CNDP1: variants seen among roughly 807,000 people sequenced by gnomAD.
CNDP1 encodes the protein carnosine dipeptidase 1.
A neutral mutation model predicts 58.1 loss-of-function variants in CNDP1; 44 were observed. The ratio of observed to expected loss-of-function variants is 0.76; its 90% CI spans 0.60 to 0.97. The LOEUF (loss-of-function observed/expected upper bound fraction) is 0.97. CNDP1 is among the 50% of genes least tolerant of loss of function. CNDP1 has a pLI of 0.00. For synonymous variants in CNDP1, 254 were observed against 252.6 expected (o/e 1.01, Z -0.05); for missense variants, 616 against 655.1 (o/e 0.94, Z 0.65).
Position 74,559,576 on chromosome 18 carries a change from A to AC in CNDP1, c.303+110dup, listed in dbSNP as rs1263797941. The AC allele has an allele frequency of 9.8e-6, 9 of 921,650 alleles. No individual in the cohort carries two copies. In the East Asian group the frequency reaches 1.9e-4, roughly 20 times the overall value. The allele number at this position is 921,650 out of a possible 1,614,324, so 57.1% of individuals were successfully genotyped here. A position where few individuals can be genotyped will look rare whatever the true frequency, so the allele number is the denominator to read the frequency against. On this transcript the variant is annotated intron_variant, in intron 3 of 11. Transcript: ENST00000358821. ...AGGCTCACCCTGATCCTCAACCACA[A>AC]CCCCCCATAACCCCAATTCCCAATG...
intron 10 of CNDP1, among the ~76,000 whole-genome samples, chr18:74,581,226 G>C (rs1477634611): frequency 8.7e-6 from 1 of 115,576 alleles, no homozygotes; most frequent in Non-Finnish European, 2.0e-5. Context: ...TCCTGTGTGT[G>C]TGTGTGTGTG....
At chr18:74,542,778 C>T (rs910949611) in intron 1 of CNDP1, among the ~76,000 whole-genome samples, 2 of 152,218 alleles carry the variant, frequency 1.3e-5, no homozygotes. Flanking sequence ...AAGTGGGCCT[C>T]CTACCTTGGC....
intron 11 of CNDP1, chr18:74,583,932 G>A (rs948056680): frequency 2.1e-5 from 11 of 530,126 alleles, no homozygotes; most frequent in Middle Eastern, 5.0e-4. Flanking sequence ...CTTCCTGGCC[G>A]TCCCTGCGAT....
intron 5 of CNDP1, among the ~76,000 whole-genome samples, chr18:74,565,176 A>G (rs1981296637): frequency 6.6e-6 from 1 of 152,216 alleles, no homozygotes; most frequent in Admixed American, 6.5e-5. Context: ...ACCTGCCTCC[A>G]TGATTCAATT....
At chr18:74,561,414 CA>C (rs11447097) in intron 4 of CNDP1, 15,164 of 130,320 alleles carry the variant, frequency 0.12, 1,712 homozygotes, top group African/African-American at 0.31. Context: ...GAGACTTCAT[CA>C]AAAAAAAAAA....
At position 74,535,150 on chromosome 18, in the gene CNDP1, C is replaced by T. The variant is rs142524211; in HGVS notation, c.24+459C>T. Among the ~76,000 whole-genome samples the T allele has an allele frequency of 1.8e-3, 274 of 152,224 alleles. 1 individual carries two copies. The highest frequency in any genetic ancestry group is 5.9e-3 in the African/African-American group (244 of 41,522). ...CTAAATCACCCCAGGCCTTTCTCGG[C>T]GAGGTTTCCATGGTTCAGGTGCAAA... On this transcript the variant is annotated intron_variant, in intron 1 of 11. Transcript: ENST00000358821.
chr18:74,580,457 A>G (rs1001496975), intron 10 of CNDP1, among the ~76,000 whole-genome samples, 186 bp downstream of exon 10: 1 of 152,216 alleles, frequency 6.6e-6, no homozygotes, highest in Non-Finnish European at 1.5e-5. Flanking sequence ...TCATCCTCCC[A>G]ATGGCCTTCC....
intron 7 of CNDP1, among the ~76,000 whole-genome samples, chr18:74,573,306 C>A (rs558469638): frequency 1.3e-5 from 2 of 152,090 alleles, no homozygotes; most frequent in South Asian, 2.1e-4. Flanking sequence ...ATCCATTCAT[C>A]CATCTATTAT....
chr18:74,583,571 A>G lies in CNDP1; in HGVS notation c.1320A>G (p.Thr440=), dbSNP rs778792969. 2 of 1,614,172 alleles carry G rather than the reference A, an allele frequency of 1.2e-6. No homozygotes were observed. Among genetic ancestry groups the G allele is most frequent in the Admixed American group, 3.3e-5 (2 of 60,030 alleles). The change falls in exon 11 of 12, where the codon ACA becomes ACG. Residue 440 remains threonine (T), a synonymous_variant. Coordinates refer to ENST00000358821, the MANE Select transcript of CNDP1 (RefSeq NM_032649.6). ...CTTTTCCTGTCTCAGTGTTTGGAACAGAACCAGATATGATCCGGGATGGAT... is the reference window on the plus strand; with the variant it reads ...CTTTTCCTGTCTCAGTGTTTGGAACGGAACCAGATATGATCCGGGATGGAT... ...AKRAIRTVFG[T]EPDMIRDGST... is the part of the protein sequence containing the mutation.
chr18:74,578,311 C>A lies in CNDP1; in HGVS notation c.1151C>A (p.Ser384Tyr), dbSNP rs1331390861. Reference sequence around the variant, plus strand: ...CGTCTAGTCCCTCACATGAATGTGTCTGCGGTGGAAAAACAGGTAACAAAT... The same window carrying A: ...CGTCTAGTCCCTCACATGAATGTGTATGCGGTGGAAAAACAGGTAACAAAT... ...SIRLVPHMNV[S>Y]AVEKQVTRHL... Residue 384 changes from serine (S) to tyrosine (Y), a missense_variant, in exon 9 of 12, where the codon TCT (serine) becomes TAT (tyrosine). Ser to Tyr is a moderately radical substitution (Grantham distance 144, BLOSUM62 -2). Transcript: ENST00000358821. 2 of 1,602,652 alleles carry A rather than the reference C, an allele frequency of 1.2e-6. No individual in the cohort carries two copies. The highest frequency in any genetic ancestry group is 4.5e-5 in the East Asian group (2 of 44,762).
intron 11 of CNDP1, 59 bp downstream of exon 11, chr18:74,583,767 T>G: frequency 4.5e-6 from 7 of 1,541,394 alleles, no homozygotes; most frequent in Non-Finnish European, 5.4e-6. Context: ...CACACCCGGG[T>G]CTACACGTGG....
At chr18:74,572,447 C>T (rs766182258) in intron 7 of CNDP1, among the ~76,000 whole-genome samples, 3 of 152,122 alleles carry the variant, frequency 2.0e-5, no homozygotes, top group Admixed American at 6.5e-5. Context: ...TTAGACCCTG[C>T]AACACCTCGC....
intron 7 of CNDP1, among the ~76,000 whole-genome samples, chr18:74,573,781 C>A (rs536371782): frequency 6.6e-6 from 1 of 152,348 alleles, no homozygotes. Context: ...TTCAGCCAGG[C>A]ATCGGATTCC....
At chr18:74,563,916 A>G (rs1981264118) in intron 5 of CNDP1, among the ~76,000 whole-genome samples, 1 of 151,880 alleles carries the variant, frequency 6.6e-6, no homozygotes, top group South Asian at 2.1e-4. Flanking sequence ...ATTTCCAACT[A>G]CTCCTCAGCA....
At chr18:74,544,884 G>T (rs983581806) in intron 1 of CNDP1, among the ~76,000 whole-genome samples, 3 of 152,074 alleles carry the variant, frequency 2.0e-5, no homozygotes, top group Admixed American at 2.0e-4. Flanking sequence ...TTAAAAAGAG[G>T]TCACTCTGGA....
chr18:74,572,894 C>A (rs1271115382), intron 7 of CNDP1, among the ~76,000 whole-genome samples: 2 of 151,338 alleles, frequency 1.3e-5, no homozygotes, highest in African/African-American at 4.9e-5. Flanking sequence ...GACAAATTGC[C>A]AGAAAGCATT....
At chr18:74,539,875 AC>A (rs1980575076) in intron 1 of CNDP1, among the ~76,000 whole-genome samples, 1 of 152,128 alleles carries the variant, frequency 6.6e-6, no homozygotes, top group Admixed American at 6.6e-5. Flanking sequence ...CCCTCCCAGG[AC>A]CCCCACTCTC....
At chr18:74,553,358 T>C (rs1012809214) in intron 1 of CNDP1, among the ~76,000 whole-genome samples, 7 of 152,226 alleles carry the variant, frequency 4.6e-5, no homozygotes, top group Non-Finnish European at 8.8e-5. Flanking sequence ...TAGGAAGATT[T>C]ACAGCTATTT....
intron 1 of CNDP1, among the ~76,000 whole-genome samples, chr18:74,550,354 A>G (rs1239428062): frequency 6.6e-6 from 1 of 152,218 alleles, no homozygotes; most frequent in Non-Finnish European, 1.5e-5. Context: ...TTACACTTGC[A>G]TGGGGACTGG....
Sources: allele counts gnomAD v4.1 joint callset (sites outside exome capture counted in the v4.1 genomes callset), GRCh38; gene constraint gnomAD v4.1.1; transcripts MANE v1.5; gene names NCBI Gene and HGNC (gene_info 2026-07-23, HGNC 2026-07-21).